ARHGEF12: variants seen among roughly 807,000 people sequenced by gnomAD.
ARHGEF12 encodes KMT2A/ARHGEF12 fusion protein.
In ARHGEF12, 66 loss-of-function variants were observed where a neutral mutation model predicts 211.2. The observed-to-expected ratio is 0.31, with a 90% confidence interval of 0.26 to 0.38. The LOEUF is 0.38. ARHGEF12 is among the 10% of genes least tolerant of loss of function. The probability of loss-of-function intolerance (pLI) is 1.00; values close to 1 mark genes in which losing one functional copy is unlikely to be tolerated. For synonymous variants in ARHGEF12, 592 were observed against 638.4 expected (o/e 0.93, Z 1.09); for missense variants, 1,429 against 1,869.5 (o/e 0.76, Z 4.34).
intron 30 of ARHGEF12, among the ~76,000 whole-genome samples, chr11:120,469,674 G>A (rs11217878): frequency 0.2 from 29,881 of 152,072 alleles, 3,121 homozygotes; most frequent in African/African-American, 0.25. Context: ...AGGGTACAGA[G>A]TAGTTGAGAA....
chr11:120,344,265 CAAAAAAAAAAAA>C (rs71473103), intron 1 of ARHGEF12, among the ~76,000 whole-genome samples: 9 of 53,014 alleles, frequency 1.7e-4, no homozygotes, highest in Non-Finnish European at 2.0e-4. Context: ...GACTCCGTCT[CAAAAAAAAAAAA>C]AAAAAAAAAA....
rs1947373483 is a variant in ARHGEF12, at chr11:120,485,484, G to GAGT, written c.*411_*413dup. On this transcript the variant is annotated 3_prime_UTR_variant, in exon 41 of 41. Coordinates refer to ENST00000397843, the MANE Select transcript of ARHGEF12 (RefSeq NM_015313.3). ...TTATTTGCCTTGTTTTGTTTTAATT[G>GAGT]AGTAGTGAGAGTTTTAGACCTTTGT... 4.1e-6 allele frequency: 1 copy of GAGT among 243,730 alleles called. No homozygotes were observed. Among genetic ancestry groups the GAGT allele is most frequent in the Non-Finnish European group, 8.0e-6 (1 of 124,350 alleles). The allele number at this position is 243,730 out of a possible 1,614,324, so 15.1% of individuals were successfully genotyped here. A position where few individuals can be genotyped will look rare whatever the true frequency, so the allele number is the denominator to read the frequency against.
In ARHGEF12 at chr11:120,486,029, A is replaced by G. The variant is rs191504669; in HGVS notation, c.*952A>G. On this transcript the variant is annotated 3_prime_UTR_variant, in exon 41 of 41. Transcript: ENST00000397843. ...AACTGTCCCTGCAGATTGAGCAGGA[A>G]GTAAAAACAAATGGAAATGCTTCGG... The G allele has an allele frequency of 9.9e-4, 221 of 222,952 alleles. 2 individuals carry two copies. In the East Asian group the frequency reaches 0.014, roughly 14 times the overall value. 13.8% of individuals were successfully genotyped at this position (222,952 alleles called of 1,614,324 possible). A position where few individuals can be genotyped will look rare whatever the true frequency, so the allele number is the denominator to read the frequency against.
intron 1 of ARHGEF12, chr11:120,385,535 A>G (rs1367781773): frequency 1.1e-5 from 11 of 966,318 alleles, no homozygotes; most frequent in African/African-American, 7.0e-5. Flanking sequence ...AAATGGAGCA[A>G]AATGGTAGAA....
At chr11:120,456,913 A>G (rs1289666466) in intron 22 of ARHGEF12, 4 of 487,260 alleles carry the variant, frequency 8.2e-6, no homozygotes, top group Admixed American at 7.5e-5. Flanking sequence ...TGGAAGGATC[A>G]TATGAGGCTG....
At chr11:120,397,127 TG>T (rs1487413865) in intron 1 of ARHGEF12, among the ~76,000 whole-genome samples, 2 of 152,216 alleles carry the variant, frequency 1.3e-5, no homozygotes, top group African/African-American at 4.8e-5. Flanking sequence ...TGTGTATCCC[TG>T]GGTTTTGTTT....
intron 1 of ARHGEF12, among the ~76,000 whole-genome samples, chr11:120,354,127 C>T (rs905450271): frequency 8.5e-5 from 13 of 152,272 alleles, no homozygotes; most frequent in Admixed American, 2.6e-4. Flanking sequence ...CCTGGCCCCA[C>T]AGAGATGCCT....
intron 20 of ARHGEF12, chr11:120,448,900 TAA>T (rs1412501031): frequency 2.3e-6 from 1 of 443,030 alleles, no homozygotes; most frequent in Non-Finnish European, 4.0e-6. Flanking sequence ...CTGTCAGTGA[TAA>T]AGAGTTTGAA....
chr11:120,413,765 C>T (rs1944950757), intron 4 of ARHGEF12, among the ~76,000 whole-genome samples: 1 of 152,162 alleles, frequency 6.6e-6, no homozygotes, highest in Non-Finnish European at 1.5e-5. Flanking sequence ...GGCCCTTCTC[C>T]ACTCCCTTCC....
chr11:120,402,833 C>T (rs1276465702), intron 1 of ARHGEF12, among the ~76,000 whole-genome samples: 1 of 152,104 alleles, frequency 6.6e-6, no homozygotes, highest in Non-Finnish European at 1.5e-5. Flanking sequence ...TTATTATAAG[C>T]AAATATGTGA....
At chr11:120,444,614 T>C (rs796422950) in intron 15 of ARHGEF12, among the ~76,000 whole-genome samples, 26 of 152,342 alleles carry the variant, frequency 1.7e-4, no homozygotes, top group African/African-American at 6.0e-4. Context: ...TCAGATCTTA[T>C]AGGATGTGTT....
In ARHGEF12 at chr11:120,445,404, G is replaced by T. The variant is rs754944374; in HGVS notation, c.1303-18G>T. ...TATCTTTAGCGTTGTTACACCTTTTGTTTGCATTTCATTTTAGCACCTGAA... is the reference window on the plus strand; with the variant it reads ...TATCTTTAGCGTTGTTACACCTTTTTTTTGCATTTCATTTTAGCACCTGAA... On this transcript the variant is annotated intron_variant, in intron 15 of 40. Transcript: ENST00000397843. 1.9e-6 allele frequency: 3 copies of T among 1,613,710 alleles called. No homozygotes were observed. The highest frequency in any genetic ancestry group is 2.5e-6 in the Non-Finnish European group (3 of 1,179,776).
chr11:120,437,321 G>T lies in ARHGEF12; in HGVS notation c.938G>T (p.Gly313Val), dbSNP rs1226685511. 1 of 1,612,080 alleles carries T rather than the reference G, an allele frequency of 6.2e-7. No individual in the cohort carries two copies. The highest frequency in any genetic ancestry group is 8.5e-7 in the Non-Finnish European group (1 of 1,179,010). The stretch of plus-strand genomic sequence containing the variant: ...TTTTTTCATTAGAGTCCCAAGAGTG[G>T]CCCAAAAGAGAGAATTTATCTAGAG... ...SSDNADSPKS[G>V]PKERIYLEEN... The change falls in exon 12 of 41, where the codon GGC becomes GTC. Residue 313 changes from glycine to valine, a missense_variant. Gly to Val is a moderately radical substitution (Grantham distance 109). Transcript: ENST00000397843.
Position 120,428,110 on chromosome 11 carries a change from G to A in ARHGEF12, c.448G>A (p.Gly150Arg). The A allele has an allele frequency of 1.2e-6, 2 of 1,608,086 alleles. No homozygotes were observed. The highest frequency in any genetic ancestry group is 1.7e-6 in the Non-Finnish European group (2 of 1,177,484). The change falls in exon 8 of 41, where the codon GGG becomes AGG. Residue 150 changes from glycine to arginine, a missense_variant. By Grantham distance (125) the Gly-to-Arg change is moderately radical. This residue lies in a region of ARHGEF12 where 254 missense variants were observed against 286.4 expected (regional missense o/e 0.89). Transcript: ENST00000397843. The part of the protein sequence containing the change: ...VALTVQGRPP[G>R]SPQIPLADSE... ...TCTCACTGTTCAGGGACGCCCACCT[G>A]GGTCGCCCCAGATTCCACTTGCCGA...
intron 27 of ARHGEF12, chr11:120,464,354 G>T (rs953508408): frequency 6.6e-6 from 1 of 151,790 alleles, no homozygotes; most frequent in Non-Finnish European, 1.5e-5. Context: ...CAAGGCAGGC[G>T]GATCACTTGA....
chr11:120,425,264 A>G (rs140419903), intron 7 of ARHGEF12, among the ~76,000 whole-genome samples: 3 of 151,844 alleles, frequency 2.0e-5, no homozygotes, highest in African/African-American at 7.2e-5. Context: ...ATCTTCCCCA[A>G]CCTGGGCTTT....
intron 37 of ARHGEF12, 109 bp downstream of exon 37, chr11:120,478,498 G>T: frequency 1.9e-6 from 2 of 1,069,780 alleles, no homozygotes; most frequent in South Asian, 3.1e-5. Context: ...TAGTTCTATT[G>T]TGGAGATTAT....
intron 4 of ARHGEF12, among the ~76,000 whole-genome samples, chr11:120,418,687 C>G (rs928839191): frequency 1.1e-4 from 17 of 152,228 alleles, no homozygotes; most frequent in African/African-American, 3.9e-4. Context: ...TGCTCCACCT[C>G]TTTGCTACCA....
chr11:120,351,430 TATATATATATATATATATA>T (rs1565420558), intron 1 of ARHGEF12, among the ~76,000 whole-genome samples: 4 of 3,958 alleles, frequency 1.0e-3, no homozygotes, highest in South Asian at 0.019. Flanking sequence ...TATATATATA[TATATATATATATATATATA>T]TATATATTTT....
Sources: gnomAD v4.1 joint callset for allele counts (sites outside exome capture counted in the v4.1 genomes callset) on GRCh38, gnomAD v4.1.1 for gene constraint, gnomAD v4.1.1 regional missense constraint, MANE v1.5 for transcripts, NCBI Gene and HGNC (gene_info 2026-07-23, HGNC 2026-07-21) for gene names.